The following KCNB2 variants were observed in gnomAD, a reference collection of about 807,000 sequenced individuals.
The protein encoded by KCNB2 is delayed rectifier potassium channel protein.
A neutral mutation model predicts 61.5 loss-of-function variants in KCNB2; 15 were observed. The ratio of observed to expected loss-of-function variants is 0.24; its 90% CI spans 0.16 to 0.38. The LOEUF (loss-of-function observed/expected upper bound fraction) is 0.38. Among genes scored for constraint, KCNB2 ranks in the 10% least tolerant of loss-of-function variants. KCNB2 has a pLI of 1.00. For missense variants in KCNB2, 828 were observed against 1,125.2 expected, an observed-to-expected ratio of 0.74 and a Z score of 3.78; for synonymous variants, 457 against 446.0, an observed-to-expected ratio of 1.02 and a Z score of -0.31.
At chr8:72,706,235 A>T (rs572766171) in intron 2 of KCNB2, among the ~76,000 whole-genome samples, 1 of 152,332 alleles carries the variant, frequency 6.6e-6, no homozygotes, top group African/African-American at 2.4e-5. Flanking sequence ...AAACTCAGCC[A>T]AAGTCCAGAG....
At chr8:72,843,917 G>A (rs1409775816) in intron 2 of KCNB2, among the ~76,000 whole-genome samples, 1 of 152,066 alleles carries the variant, frequency 6.6e-6, no homozygotes, top group Admixed American at 6.5e-5. Flanking sequence ...CTTTTAACTG[G>A]GGCATTTAGC....
At chr8:72,584,534 G>A (rs1391204987) in intron 2 of KCNB2, among the ~76,000 whole-genome samples, 3 of 152,014 alleles carry the variant, frequency 2.0e-5, no homozygotes, top group Non-Finnish European at 4.4e-5. Context: ...ATAAATAGCA[G>A]TCATGATTTA....
At position 72,665,039 on chromosome 8, in the gene KCNB2, G is replaced by T. The variant is rs560796471; in HGVS notation, c.579+96726G>T. Reference sequence around the variant, plus strand: ...GGCCAAGGGGAAAGGAAGTGGGGAAGAACATCTAGGCCCAGGTAGGCACCA... The same window carrying T: ...GGCCAAGGGGAAAGGAAGTGGGGAATAACATCTAGGCCCAGGTAGGCACCA... On this transcript the variant is annotated intron_variant, in intron 2 of 2. Coordinates refer to ENST00000523207, the MANE Select transcript of KCNB2 (RefSeq NM_004770.3). Among the ~76,000 whole-genome samples the T allele has an allele frequency of 4.6e-5, 7 of 152,158 alleles. No homozygotes were observed. The South Asian group carries it at 1.4e-3, about 32-fold the overall frequency.
chr8:72,633,349 A>G (rs1405837683), intron 2 of KCNB2, among the ~76,000 whole-genome samples: 1 of 152,078 alleles, frequency 6.6e-6, no homozygotes, highest in East Asian at 1.9e-4. Flanking sequence ...GCTGGAGAAC[A>G]ATCTCTCCTT....
rs919104354 is a variant in KCNB2 at position 72,806,141 on chromosome 8, C to T, written c.580-129794C>T. On this transcript the variant is annotated intron_variant, in intron 2 of 2. Transcript: ENST00000523207. The stretch of plus-strand genomic sequence containing the variant: ...TTGGGAGGCCAAGGTGGGTGGATCA[C>T]GAGGTCAGGAGTTCAAGACCAGCCT... 3.9e-5 allele frequency among the ~76,000 whole-genome samples: 6 copies of T among 151,916 alleles called. 1 individual carries two copies. Among genetic ancestry groups the T allele is most frequent in the East Asian group, 3.9e-4 (2 of 5,154 alleles).
intron 2 of KCNB2, among the ~76,000 whole-genome samples, chr8:72,740,908 G>A (rs769959149): frequency 1.3e-5 from 2 of 152,102 alleles, no homozygotes; most frequent in Non-Finnish European, 2.9e-5. Context: ...CCTGAATATT[G>A]TAACTTTGGG....
intron 2 of KCNB2, among the ~76,000 whole-genome samples, chr8:72,612,615 C>T (rs961169465): frequency 8.5e-5 from 13 of 152,154 alleles, no homozygotes; most frequent in Non-Finnish European, 1.8e-4. Flanking sequence ...TAAAGCTTGA[C>T]ACATTGAAGC....
chr8:72,593,014 G>A (rs1029036606), intron 2 of KCNB2, among the ~76,000 whole-genome samples: 1 of 152,134 alleles, frequency 6.6e-6, no homozygotes, highest in Non-Finnish European at 1.5e-5. Context: ...TTTGAAATTT[G>A]TAGACTTTTA....
chr8:72,566,832 T>A lies in KCNB2; in HGVS notation c.-93-810T>A, dbSNP rs572274395. Among the ~76,000 whole-genome samples the A allele has an allele frequency of 2.0e-5, 3 of 152,222 alleles. No individual in the cohort carries two copies. In the South Asian group the frequency reaches 6.2e-4, roughly 32 times the overall value. On this transcript the variant is annotated intron_variant, in intron 1 of 2. Coordinates refer to ENST00000523207, the MANE Select transcript of KCNB2 (RefSeq NM_004770.3). ...AGTGTTGGAGGCCTTAAGCAATGGT[T>A]AGGAGCTATAATTGGTAAGACTTGG...
intron 2 of KCNB2, among the ~76,000 whole-genome samples, chr8:72,666,768 T>G (rs1806480867): frequency 1.3e-5 from 2 of 151,656 alleles, no homozygotes; most frequent in Non-Finnish European, 1.5e-5. Context: ...TTCTCCTGCC[T>G]CAGCCTCCTG....
chr8:72,635,131 T>A (rs1805943174), intron 2 of KCNB2, among the ~76,000 whole-genome samples: 1 of 152,198 alleles, frequency 6.6e-6, no homozygotes. Context: ...AAGCTTGGCG[T>A]GAAGGCTGGG....
chr8:72,929,602 G>A (rs1052019550), intron 2 of KCNB2, among the ~76,000 whole-genome samples: 14 of 152,088 alleles, frequency 9.2e-5, no homozygotes, highest in African/African-American at 3.4e-4. Context: ...ACTGTGACTT[G>A]TCCTGGGTTT....
intron 2 of KCNB2, among the ~76,000 whole-genome samples, chr8:72,605,121 G>C (rs924359900): frequency 7.2e-5 from 11 of 152,204 alleles, no homozygotes; most frequent in African/African-American, 2.7e-4. Context: ...TGCAGCACCA[G>C]GCTAGGAGAT....
intron 2 of KCNB2, among the ~76,000 whole-genome samples, chr8:72,689,840 GA>G (rs935906493): frequency 1.3e-5 from 2 of 151,548 alleles, no homozygotes; most frequent in Non-Finnish European, 2.9e-5. Context: ...AAGAACTTTG[GA>G]ATTAAAAAAA....
At chr8:72,801,508 A>G (rs1231837705) in intron 2 of KCNB2, among the ~76,000 whole-genome samples, 4 of 152,230 alleles carry the variant, frequency 2.6e-5, no homozygotes, top group African/African-American at 2.4e-5. Flanking sequence ...AGTTTCCACC[A>G]TACCTAATTT....
At chr8:72,752,346 T>C (rs1453545458) in intron 2 of KCNB2, among the ~76,000 whole-genome samples, 6 of 152,160 alleles carry the variant, frequency 3.9e-5, no homozygotes, top group Non-Finnish European at 7.4e-5. Flanking sequence ...TCTGGGTGTA[T>C]TGGTGAGGTG....
chr8:72,855,605 T>C (rs1416829737), intron 2 of KCNB2, among the ~76,000 whole-genome samples: 1 of 152,178 alleles, frequency 6.6e-6, no homozygotes, highest in Non-Finnish European at 1.5e-5. Flanking sequence ...TAGCCCCCAC[T>C]AAACTATGAG....
At chr8:72,835,078 G>C (rs531599314) in intron 2 of KCNB2, among the ~76,000 whole-genome samples, 3 of 152,190 alleles carry the variant, frequency 2.0e-5, no homozygotes, top group African/African-American at 7.2e-5. Context: ...CATTACTGAG[G>C]GGGTGGAAAT....
chr8:72,682,765 T>C (rs1806782261), intron 2 of KCNB2, among the ~76,000 whole-genome samples: 1 of 152,122 alleles, frequency 6.6e-6, no homozygotes, highest in African/African-American at 2.4e-5. Flanking sequence ...AGCTAACTTT[T>C]ATTTTTTTGT....
Sources: gnomAD v4.1 joint callset for allele counts (sites outside exome capture counted in the v4.1 genomes callset) on GRCh38, gnomAD v4.1.1 for gene constraint, MANE v1.5 for transcripts, NCBI Gene and HGNC (gene_info 2026-07-23, HGNC 2026-07-21) for gene names.